Variants in TBC1D2B observed in about 807,000 individuals in gnomAD.
TBC1D2B encodes the protein TBC1 domain family member 2B.
TBC1D2B carries 64 observed loss-of-function variants against 100.8 expected under a neutral mutation model. The ratio of observed to expected loss-of-function variants is 0.64; its 90% CI spans 0.52 to 0.78. The LOEUF is 0.78. TBC1D2B is among the 30% of genes least tolerant of loss of function. TBC1D2B has a pLI of 0.00. For missense variants in TBC1D2B, 1,052 were observed against 1,218.4 expected, an observed-to-expected ratio of 0.86 and a Z score of 2.03; for synonymous variants, 480 against 479.7, an observed-to-expected ratio of 1.00 and a Z score of -0.01.
chr15:78,055,226 C>T (rs2073395462), intron 1 of TBC1D2B, among the ~76,000 whole-genome samples: 1 of 66,404 alleles, frequency 1.5e-5, no homozygotes, highest in South Asian at 4.3e-4. Flanking sequence ...GACAGAACTG[C>T]TATGTATCAT....
chr15:78,064,753 T>C (rs1388328336), intron 1 of TBC1D2B, among the ~76,000 whole-genome samples: 2 of 31,716 alleles, frequency 6.3e-5, no homozygotes, highest in Non-Finnish European at 1.4e-4. Context: ...CCAGCACCAA[T>C]GGAAAAAAAA....
chr15:77,999,696 C>T (rs1032019519), intron 12 of TBC1D2B, among the ~76,000 whole-genome samples: 30 of 152,208 alleles, frequency 2.0e-4, no homozygotes, highest in Non-Finnish European at 4.4e-5. Context: ...CTACGGCGCC[C>T]AACCCTCCTG....
At chr15:77,998,663 C>G in intron 12 of TBC1D2B, 1 of 307,298 alleles carries the variant, frequency 3.3e-6, no homozygotes, top group Non-Finnish European at 6.1e-6. Context: ...GTAGTGCCAC[C>G]TCCTAGGGTG....
At chr15:78,075,199 T>TA (rs1464546720) in intron 1 of TBC1D2B, among the ~76,000 whole-genome samples, 1 of 150,628 alleles carries the variant, frequency 6.6e-6, no homozygotes, top group African/African-American at 2.4e-5. Context: ...TATTTATTAT[T>TA]TTTTTTTTAA....
rs1479747425 is a variant in TBC1D2B, at chr15:78,054,187, C to T, written c.361G>A (p.Ala121Thr). The change falls in exon 2 of 13, where the codon GCT becomes ACT. Residue 121 changes from alanine (A) to threonine (T), a missense_variant and splice_region_variant. Physicochemically the swap from Ala to Thr is moderately conservative, Grantham distance 58 (BLOSUM62 0). This residue lies in a region of TBC1D2B where 627 missense variants were observed against 646.1 expected (regional missense o/e 0.97). Coordinates refer to ENST00000300584, the MANE Select transcript of TBC1D2B (RefSeq NM_144572.2). Reference sequence around the variant, plus strand: ...TAAGTCATGAGTTGACGATTGGGAGCCTAGAAAGAGGGAGGGGAAAAACAT... The same window carrying T: ...TAAGTCATGAGTTGACGATTGGGAGTCTAGAAAGAGGGAGGGGAAAAACAT... ...HSAGAVTVLK[A>T]PNRQLMTYWL... is the part of the protein sequence containing the mutation. 8.1e-6 allele frequency: 13 copies of T among 1,606,804 alleles called. No homozygotes were observed. Among genetic ancestry groups the T allele is most frequent in the Non-Finnish European group, 1.1e-5 (13 of 1,177,700 alleles).
chr15:78,046,013 C>A (rs1304151176), intron 2 of TBC1D2B, among the ~76,000 whole-genome samples: 2 of 152,054 alleles, frequency 1.3e-5, no homozygotes, highest in African/African-American at 4.8e-5. Context: ...CTCACTGCAA[C>A]CTCCTCCTCC....
At chr15:78,077,181 T>TG in intron 1 of TBC1D2B, 112 bp downstream of exon 1, 1 of 1,331,550 alleles carries the variant, frequency 7.5e-7, no homozygotes, top group African/African-American at 1.6e-5. Context: ...CAGGCCGACG[T>TG]GGGCAGGGGC....
chr15:78,053,883 G>A, intron 2 of TBC1D2B, 151 bp downstream of exon 2: 1 of 887,696 alleles, frequency 1.1e-6, no homozygotes, highest in Non-Finnish European at 1.7e-6. Context: ...GTACATGGAG[G>A]CGCTGGGTAA....
chr15:77,998,401 A>G, intron 12 of TBC1D2B, 46 bp from the exon 13 acceptor site: 1 of 1,512,784 alleles, frequency 6.6e-7, no homozygotes, highest in Non-Finnish European at 8.9e-7. Flanking sequence ...GGCGCTCCAG[A>G]GAGTGCTCAC....
At chr15:78,073,179 T>C (rs1596333387) in intron 1 of TBC1D2B, among the ~76,000 whole-genome samples, 1 of 152,098 alleles carries the variant, frequency 6.6e-6, no homozygotes, top group East Asian at 1.9e-4. Context: ...TCACATCCCC[T>C]CTCTAGCCTC....
intron 11 of TBC1D2B, 62 bp downstream of exon 11, chr15:78,003,243 C>A: frequency 6.7e-7 from 1 of 1,500,602 alleles, no homozygotes; most frequent in Non-Finnish European, 9.2e-7. Context: ...TCTACCGCCA[C>A]CAACGCTGCT....
At chr15:78,002,780 T>C (rs1213366906) in intron 11 of TBC1D2B, 1 of 153,854 alleles carries the variant, frequency 6.5e-6, no homozygotes, top group Admixed American at 6.4e-5. Flanking sequence ...ACTAGAAGAC[T>C]AGGGAGGGGC....
chr15:78,069,244 A>G (rs1236260818), intron 1 of TBC1D2B, among the ~76,000 whole-genome samples: 1 of 152,216 alleles, frequency 6.6e-6, no homozygotes, highest in Non-Finnish European at 1.5e-5. Context: ...AAGCAAGTGC[A>G]GCAGGAGAGA....
At chr15:78,030,664 T>C (rs920838818) in intron 3 of TBC1D2B, among the ~76,000 whole-genome samples, 1 of 152,164 alleles carries the variant, frequency 6.6e-6, no homozygotes, top group African/African-American at 2.4e-5. Context: ...ACTATTACCA[T>C]GCAGAGGAAC....
At chr15:78,016,104 T>C (rs1470568978) in intron 8 of TBC1D2B, among the ~76,000 whole-genome samples, 1 of 152,234 alleles carries the variant, frequency 6.6e-6, no homozygotes, top group Non-Finnish European at 1.5e-5. Context: ...GAGAGGGTTC[T>C]TAATCCAAGA....
chr15:78,026,230 C>G (rs1165674992), intron 4 of TBC1D2B, among the ~76,000 whole-genome samples: 1 of 151,658 alleles, frequency 6.6e-6, no homozygotes, highest in Non-Finnish European at 1.5e-5. Context: ...ATTTAATCCT[C>G]AATGTAACAG....
chr15:78,065,943 T>A, intron 1 of TBC1D2B: 2 of 460,470 alleles, frequency 4.3e-6, no homozygotes, highest in Non-Finnish European at 9.2e-6. Context: ...GGAGTTGGTG[T>A]CTCAGGAGTA....
chr15:78,059,404 T>C (rs2073495060), intron 1 of TBC1D2B, among the ~76,000 whole-genome samples: 1 of 152,040 alleles, frequency 6.6e-6, no homozygotes, highest in Non-Finnish European at 1.5e-5. Context: ...AATCCCAATA[T>C]GAGACCAAGC....
chr15:78,040,855 G>GAAGGAAGAAAGAAAGAAAGAAAGAAA (rs71447186), intron 3 of TBC1D2B, among the ~76,000 whole-genome samples: 1 of 74,668 alleles, frequency 1.3e-5, no homozygotes, highest in Non-Finnish European at 2.7e-5. Context: ...AGAAAGAAAG[G>GAAGGAAGAAAGAAAGAAAGAAAGAAA]AAGAAAGAAA....
Sources: allele counts gnomAD v4.1 joint callset (sites outside exome capture counted in the v4.1 genomes callset), GRCh38; gene constraint gnomAD v4.1.1; regional missense constraint gnomAD v4.1.1; transcripts MANE v1.5; gene names NCBI Gene and HGNC (gene_info 2026-07-23, HGNC 2026-07-21).